The following CA10 variants were observed in gnomAD, a reference collection of about 807,000 sequenced individuals.
CA10 encodes carbonic anhydrase-related protein 10.
In CA10, 14 loss-of-function variants were observed where a neutral mutation model predicts 44.2. The observed-to-expected ratio is 0.32, with a 90% CI of 0.21 to 0.50. CA10 has a LOEUF of 0.50. Among genes scored for constraint, CA10 ranks in the 20% least tolerant of loss-of-function variants. The pLI is 0.99. For synonymous variants in CA10, 159 were observed against 141.6 expected, an observed-to-expected ratio of 1.12 and a Z score of -0.87; for missense variants, 350 against 409.7, an observed-to-expected ratio of 0.85 and a Z score of 1.26.
intron 4 of CA10, among the ~76,000 whole-genome samples, chr17:51,738,914 C>T (rs552131894): frequency 9.9e-5 from 15 of 152,130 alleles, no homozygotes; most frequent in Non-Finnish European, 2.2e-4. Flanking sequence ...CTAATTCTGC[C>T]GCTAAATCTC....
chr17:52,070,429 C>T (rs1003299150), intron 2 of CA10: 1 of 152,120 alleles, frequency 6.6e-6, no homozygotes, highest in South Asian at 2.1e-4. Flanking sequence ...CAATTTAATC[C>T]TCAGCAAACC....
At chr17:51,768,926 C>T (rs983560253) in intron 3 of CA10, among the ~76,000 whole-genome samples, 2 of 152,106 alleles carry the variant, frequency 1.3e-5, no homozygotes, top group African/African-American at 4.8e-5. Context: ...GATGACATGG[C>T]AAGACTGAGA....
chr17:51,853,735 GT>G (rs936934452), intron 3 of CA10, among the ~76,000 whole-genome samples: 1 of 152,222 alleles, frequency 6.6e-6, no homozygotes, highest in Non-Finnish European at 1.5e-5. Context: ...CATGGGGGCG[GT>G]TTCCCCCATG....
chr17:51,681,553 G>A (rs1914846115), intron 4 of CA10, among the ~76,000 whole-genome samples: 1 of 152,158 alleles, frequency 6.6e-6, no homozygotes, highest in African/African-American at 2.4e-5. Flanking sequence ...ACCCACTAGA[G>A]ACGCCAGTAG....
rs368512398 is a variant in CA10, at chr17:51,633,548, G to A, written c.892C>T (p.Arg298Cys). The A allele has an allele frequency of 8.2e-5, 133 of 1,613,894 alleles. No individual in the cohort carries two copies. Among genetic ancestry groups the A allele is most frequent in the Admixed American group, 3.3e-4 (20 of 59,986 alleles). The part of the protein sequence containing the change: ...PVQPLNNRCI[R>C]TNINFSLQGK... Reference sequence around the variant, plus strand: ...TGTAAACTGAAGTTGATATTGGTGCGGATGCAGCGGTTGTTGAGTGGCTGG... The same window carrying A: ...TGTAAACTGAAGTTGATATTGGTGCAGATGCAGCGGTTGTTGAGTGGCTGG... Residue 298 changes from arginine to cysteine, a missense_variant, in exon 8 of 9, where the codon CGC (arginine) becomes TGC (cysteine). Coordinates refer to ENST00000451037, the MANE Select transcript of CA10 (RefSeq NM_020178.5).
intron 4 of CA10, among the ~76,000 whole-genome samples, chr17:51,681,817 T>C (rs1597982692): frequency 6.6e-6 from 1 of 152,082 alleles, no homozygotes; most frequent in Admixed American, 6.6e-5. Context: ...TAATTTCTCA[T>C]CCCTCCCCCT....
At chr17:52,157,594 C>A (rs1989834566) in intron 1 of CA10, 132 bp downstream of exon 1, 6 of 665,390 alleles carry the variant, frequency 9.0e-6, no homozygotes, top group East Asian at 3.7e-5. Context: ...ATTCTGAAGG[C>A]GGCAAACCCG....
At chr17:51,736,432 G>T (rs949196294) in intron 4 of CA10, among the ~76,000 whole-genome samples, 4 of 152,172 alleles carry the variant, frequency 2.6e-5, no homozygotes, top group African/African-American at 4.8e-5. Flanking sequence ...TCCCAAAGCA[G>T]ACACAATTAC....
At chr17:51,685,916 G>T (rs1221290591) in intron 4 of CA10, among the ~76,000 whole-genome samples, 1 of 152,216 alleles carries the variant, frequency 6.6e-6, no homozygotes, top group Non-Finnish European at 1.5e-5. Flanking sequence ...GCTGGCTGTT[G>T]CTGCTTAAGC....
At chr17:51,940,968 C>T (rs1489067971) in intron 2 of CA10, among the ~76,000 whole-genome samples, 4 of 152,044 alleles carry the variant, frequency 2.6e-5, no homozygotes, top group Non-Finnish European at 5.9e-5. Context: ...TTTTATTCAC[C>T]AAGTCATGGA....
chr17:51,847,438 G>A (rs919571275), intron 3 of CA10, among the ~76,000 whole-genome samples: 1 of 152,130 alleles, frequency 6.6e-6, no homozygotes, highest in African/African-American at 2.4e-5. Context: ...ATCCTGTTAT[G>A]TCTGTTATTG....
chr17:51,793,428 T>G (rs148094864), intron 3 of CA10, among the ~76,000 whole-genome samples: 29 of 152,338 alleles, frequency 1.9e-4, no homozygotes, highest in African/African-American at 7.0e-4. Flanking sequence ...GACCACAGAC[T>G]GCAACAAACT....
chr17:51,679,617 T>C (rs964520572), intron 4 of CA10, among the ~76,000 whole-genome samples: 2 of 150,868 alleles, frequency 1.3e-5, no homozygotes, highest in African/African-American at 4.9e-5. Context: ...TGGAGTGCAG[T>C]GGCGCAATCT....
At chr17:51,888,431 T>A (rs541128332) in intron 3 of CA10, among the ~76,000 whole-genome samples, 30 of 152,322 alleles carry the variant, frequency 2.0e-4, no homozygotes, top group African/African-American at 6.3e-4. Context: ...AATAGTAGAA[T>A]AAGGATTACT....
intron 3 of CA10, among the ~76,000 whole-genome samples, chr17:51,907,920 G>A (rs935570061): frequency 6.6e-5 from 10 of 152,122 alleles, no homozygotes; most frequent in South Asian, 2.1e-4. Flanking sequence ...AAACCTTCAT[G>A]AAAACATAAG....
At chr17:52,130,523 C>T (rs993913958) in intron 1 of CA10, among the ~76,000 whole-genome samples, 4 of 152,088 alleles carry the variant, frequency 2.6e-5, no homozygotes, top group African/African-American at 7.2e-5. Context: ...ACCTAGAGAA[C>T]ACTACATTAA....
chr17:52,131,447 G>C (rs186220341), intron 1 of CA10, among the ~76,000 whole-genome samples: 14 of 152,252 alleles, frequency 9.2e-5, no homozygotes, highest in African/African-American at 3.4e-4. Context: ...TCTCTTCTGA[G>C]TGATAGTGAA....
At chr17:51,958,079 C>T (rs1464901007) in intron 2 of CA10, among the ~76,000 whole-genome samples, 2 of 152,040 alleles carry the variant, frequency 1.3e-5, no homozygotes, top group Admixed American at 6.6e-5. Context: ...CTTTGTCGTG[C>T]CTTCAATCTG....
At chr17:51,831,772 C>T (rs1257726944) in intron 3 of CA10, among the ~76,000 whole-genome samples, 5 of 151,488 alleles carry the variant, frequency 3.3e-5, no homozygotes, top group Non-Finnish European at 7.4e-5. Flanking sequence ...ACTGACTGGA[C>T]AGGGTTATAA....
Sources: allele counts gnomAD v4.1 joint callset (sites outside exome capture counted in the v4.1 genomes callset), GRCh38; gene constraint gnomAD v4.1.1; transcripts MANE v1.5; gene names NCBI Gene and HGNC (gene_info 2026-07-23, HGNC 2026-07-21).